Variants in CAMK4 observed in about 807,000 individuals in gnomAD.
CAMK4 encodes calcium/calmodulin-dependent protein kinase type IV.
A neutral mutation model predicts 44.9 loss-of-function variants in CAMK4; 22 were observed. The ratio of observed to expected loss-of-function variants is 0.49; its 90% confidence interval spans 0.35 to 0.70. The LOEUF is 0.70. Among genes scored for constraint, CAMK4 ranks in the 30% least tolerant of loss-of-function variants. CAMK4 has a pLI of 0.01. For missense variants in CAMK4, 498 were observed against 586.8 expected, an observed-to-expected ratio of 0.85 and a Z score of 1.56; for synonymous variants, 218 against 215.4, an observed-to-expected ratio of 1.01 and a Z score of -0.11.
chr5:111,315,718 GA>G, intron 1 of CAMK4, among the ~76,000 whole-genome samples: 1 of 151,952 alleles, frequency 6.6e-6, no homozygotes, highest in Non-Finnish European at 1.5e-5. Flanking sequence ...TGTTAGCTTG[GA>G]AAAAGCGATT....
In CAMK4 at chr5:111,428,393, C is replaced by T. The variant is rs181612577; in HGVS notation, c.460-18293C>T. ...ATCTTACCAAATGAACTAAATAAGG[C>T]ACCAGGGACCAATCCTGGAGAAACA... On this transcript the variant is annotated intron_variant, in intron 5 of 10. Transcript: ENST00000282356. Among the ~76,000 whole-genome samples, 636 of 152,312 alleles carry T rather than the reference C, an allele frequency of 4.2e-3. 6 individuals are homozygous for T. The highest frequency in any genetic ancestry group is 0.015 in the African/African-American group (612 of 41,570).
chr5:111,274,460 G>C (rs777656366), intron 1 of CAMK4, among the ~76,000 whole-genome samples: 3 of 152,174 alleles, frequency 2.0e-5, no homozygotes, highest in Non-Finnish European at 4.4e-5. Context: ...GTGAATGAGT[G>C]ACAAGTATGA....
chr5:111,486,531 A>AC lies in CAMK4; in HGVS notation c.*2066dup, dbSNP rs1561518694. ...CACACACACACACACACACACACAC[A>AC]CACACACACACGTGTTGGAAGAGCA... is the stretch of plus-strand genomic sequence containing the variant. On this transcript the variant is annotated 3_prime_UTR_variant, in exon 11 of 11. Transcript: ENST00000282356. 1 of 142,518 alleles carries AC rather than the reference A, an allele frequency of 7.0e-6. No individual in the cohort carries two copies. Among genetic ancestry groups the AC allele is most frequent in the Non-Finnish European group, 1.5e-5 (1 of 66,466 alleles). 8.8% of individuals were successfully genotyped at this position (142,518 alleles called of 1,614,324 possible). A position where few individuals can be genotyped will look rare whatever the true frequency, so the allele number is the denominator to read the frequency against.
At chr5:111,319,218 C>G (rs992702864) in intron 1 of CAMK4, among the ~76,000 whole-genome samples, 1 of 152,012 alleles carries the variant, frequency 6.6e-6, no homozygotes, top group Non-Finnish European at 1.5e-5. Context: ...AAGATTTGTT[C>G]CAATAGTAGT....
chr5:111,229,184 A>G (rs1346217938), intron 1 of CAMK4, among the ~76,000 whole-genome samples: 7 of 152,216 alleles, frequency 4.6e-5, no homozygotes, highest in Non-Finnish European at 1.0e-4. Flanking sequence ...CTTAAACAAT[A>G]AATATGCATT....
intron 5 of CAMK4, among the ~76,000 whole-genome samples, chr5:111,397,683 GTGTGTGTGTT>G (rs1417984899): frequency 7.4e-4 from 99 of 133,352 alleles, no homozygotes; most frequent in East Asian, 4.0e-3. Flanking sequence ...GTGTGTGTGT[GTGTGTGTGTT>G]TGCAGTTTAC....
intron 5 of CAMK4, among the ~76,000 whole-genome samples, chr5:111,445,203 C>T (rs1753981955): frequency 6.6e-6 from 1 of 151,986 alleles, no homozygotes; most frequent in African/African-American, 2.4e-5. Context: ...CTTGAATGTC[C>T]ATTAAAAATG....
chr5:111,442,676 A>G (rs2112963114), intron 5 of CAMK4, among the ~76,000 whole-genome samples: 1 of 149,514 alleles, frequency 6.7e-6, no homozygotes, highest in African/African-American at 2.4e-5. Context: ...AATTTACAAA[A>G]CTGAAAGACT....
chr5:111,456,008 G>A (rs570834111), intron 7 of CAMK4, among the ~76,000 whole-genome samples: 61 of 152,222 alleles, frequency 4.0e-4, no homozygotes, highest in African/African-American at 1.3e-3. Flanking sequence ...CATTACTAAA[G>A]TCATTATAAT....
At chr5:111,310,460 T>C (rs1246015537) in intron 1 of CAMK4, among the ~76,000 whole-genome samples, 2 of 152,208 alleles carry the variant, frequency 1.3e-5, no homozygotes, top group African/African-American at 2.4e-5. Context: ...TTGTAAGTCA[T>C]GCTAAGAAAT....
intron 5 of CAMK4, among the ~76,000 whole-genome samples, chr5:111,413,840 A>G (rs967495634): frequency 1.3e-5 from 2 of 152,066 alleles, no homozygotes; most frequent in South Asian, 2.1e-4. Context: ...AGCACTAGAG[A>G]AAGCAAGGGC....
chr5:111,285,371 A>C (rs996392999), intron 1 of CAMK4, among the ~76,000 whole-genome samples: 1 of 152,216 alleles, frequency 6.6e-6, no homozygotes, highest in Non-Finnish European at 1.5e-5. Flanking sequence ...CAGGTGGCCA[A>C]TGTGATTTTA....
intron 1 of CAMK4, among the ~76,000 whole-genome samples, chr5:111,255,721 G>C (rs1580486879): frequency 6.6e-6 from 1 of 152,138 alleles, no homozygotes; most frequent in Non-Finnish European, 1.5e-5. Context: ...TGTCTTTGTA[G>C]TCTCAGAAGC....
At chr5:111,413,053 A>G (rs546123520) in intron 5 of CAMK4, among the ~76,000 whole-genome samples, 1 of 152,226 alleles carries the variant, frequency 6.6e-6, no homozygotes, top group East Asian at 1.9e-4. Flanking sequence ...GTCTAACATC[A>G]TGGGCTCGCC....
chr5:111,264,693 A>C (rs528046887), intron 1 of CAMK4, among the ~76,000 whole-genome samples: 17 of 152,172 alleles, frequency 1.1e-4, no homozygotes, highest in Non-Finnish European at 2.2e-4. Flanking sequence ...TTCTCTGTTG[A>C]AATGGCTGCA....
rs2112519123 is a variant in CAMK4 at position 111,491,230 on chromosome 5, A to G, written c.*6764A>G. ...GCCCCATTTTTATTGGAACACAGGC[A>G]TGCTCATTTATGTACATATTGTTTG... On this transcript the variant is annotated 3_prime_UTR_variant, in exon 11 of 11. Coordinates refer to ENST00000282356, the MANE Select transcript of CAMK4 (RefSeq NM_001744.6). 1 of 152,340 alleles carries G rather than the reference A, an allele frequency of 6.6e-6. No homozygotes were observed. Among genetic ancestry groups the G allele is most frequent in the Non-Finnish European group, 1.5e-5 (1 of 68,034 alleles). The allele number at this position is 152,340 out of a possible 1,614,324, so 9.4% of individuals were successfully genotyped here. A position where few individuals can be genotyped will look rare whatever the true frequency, so the allele number is the denominator to read the frequency against.
At chr5:111,460,136 G>A (rs991065703) in intron 7 of CAMK4, among the ~76,000 whole-genome samples, 3 of 151,740 alleles carry the variant, frequency 2.0e-5, no homozygotes, top group Non-Finnish European at 4.4e-5. Flanking sequence ...ACTTTAAAAT[G>A]TTATTACAGA....
At chr5:111,227,847 T>A (rs1365989058) in intron 1 of CAMK4, among the ~76,000 whole-genome samples, 1 of 152,224 alleles carries the variant, frequency 6.6e-6, no homozygotes, top group African/African-American at 2.4e-5. Context: ...ACAAAAATCA[T>A]GACACACACA....
chr5:111,297,005 T>C (rs147570884), intron 1 of CAMK4, among the ~76,000 whole-genome samples: 1 of 152,356 alleles, frequency 6.6e-6, no homozygotes, highest in African/African-American at 2.4e-5. Flanking sequence ...TTCCTGCTTA[T>C]AATTATTTAG....
Sources: allele counts gnomAD v4.1 joint callset (sites outside exome capture counted in the v4.1 genomes callset), GRCh38; gene constraint gnomAD v4.1.1; transcripts MANE v1.5; gene names NCBI Gene and HGNC (gene_info 2026-07-23, HGNC 2026-07-21).